Variants in DHX15 observed in about 807,000 individuals in gnomAD.
DHX15 encodes DEAH-box helicase 15, also known as ATP-dependent RNA helicase DHX15.
A neutral mutation model predicts 94.4 loss-of-function variants in DHX15; 11 were observed. The ratio of observed to expected loss-of-function variants is 0.12; its 90% CI spans 0.07 to 0.19. The LOEUF (loss-of-function observed/expected upper bound fraction) is 0.19. Among genes scored for constraint, DHX15 ranks in the 10% least tolerant of loss-of-function variants. The pLI is 1.00. For missense variants in DHX15, 304 were observed against 988.5 expected, an observed-to-expected ratio of 0.31 and a Z score of 9.29; for synonymous variants, 338 against 329.9, an observed-to-expected ratio of 1.02 and a Z score of -0.27.
At chr4:24,547,901 GTGTATA>G (rs1560765693) in intron 6 of DHX15, among the ~76,000 whole-genome samples, 2 of 14,186 alleles carry the variant, frequency 1.4e-4, no homozygotes, top group East Asian at 3.1e-3. Flanking sequence ...ATGTATGTAT[GTGTATA>G]TATATATATA....
chr4:24,556,770 C>G (rs948437652), intron 3 of DHX15, among the ~76,000 whole-genome samples: 4 of 152,092 alleles, frequency 2.6e-5, no homozygotes, highest in African/African-American at 9.7e-5. Context: ...ATATTCAACA[C>G]GCAAAATCTA....
chr4:24,575,225 T>C (rs1218893616), intron 2 of DHX15, among the ~76,000 whole-genome samples: 1 of 152,110 alleles, frequency 6.6e-6, no homozygotes, highest in African/African-American at 2.4e-5. Context: ...GCTTCCTATT[T>C]TGGTTGCTAC....
chr4:24,575,838 C>T (rs554957045), intron 2 of DHX15, among the ~76,000 whole-genome samples: 142 of 152,184 alleles, frequency 9.3e-4, no homozygotes, highest in Non-Finnish European at 1.5e-3. Flanking sequence ...CAAAAGTCAC[C>T]GGTATAGACT....
intron 11 of DHX15, among the ~76,000 whole-genome samples, chr4:24,534,460 C>T (rs1721152862): frequency 6.6e-6 from 1 of 152,138 alleles, no homozygotes; most frequent in Non-Finnish European, 1.5e-5. Context: ...TAGTAACTAA[C>T]ATCTGATGGT....
At chr4:24,529,133 C>T (rs570239407) in intron 13 of DHX15, among the ~76,000 whole-genome samples, 1 of 152,298 alleles carries the variant, frequency 6.6e-6, no homozygotes, top group African/African-American at 2.4e-5. Context: ...AAGCAATCCT[C>T]CTGCCCAGCT....
At chr4:24,532,671 T>C (rs948854012) in intron 12 of DHX15, among the ~76,000 whole-genome samples, 193 bp downstream of exon 12, 3 of 152,226 alleles carry the variant, frequency 2.0e-5, no homozygotes, top group African/African-American at 7.2e-5. Context: ...GTACATTAAT[T>C]TGTTACTCAT....
intron 5 of DHX15, among the ~76,000 whole-genome samples, chr4:24,549,599 A>T (rs1039156593): frequency 1.6e-4 from 24 of 152,190 alleles, no homozygotes; most frequent in African/African-American, 5.8e-4. Context: ...ACTGACAGGA[A>T]TATGTTCTGA....
intron 11 of DHX15, among the ~76,000 whole-genome samples, 187 bp downstream of exon 11, chr4:24,536,864 A>C (rs1721209404): frequency 6.6e-6 from 1 of 152,224 alleles, no homozygotes; most frequent in African/African-American, 2.4e-5. Flanking sequence ...CCCTGATTAT[A>C]AACATAAACA....
At chr4:24,569,316 GGTGTAGTGGCTCA>G (rs1722065245) in intron 3 of DHX15, among the ~76,000 whole-genome samples, 1 of 152,152 alleles carries the variant, frequency 6.6e-6, no homozygotes, top group Admixed American at 6.6e-5. Flanking sequence ...TCTGCGGCTG[GGTGTAGTGGCTCA>G]CGCCTGTAAT....
chr4:24,533,493 CA>C (rs1215450924), intron 11 of DHX15: 10 of 169,658 alleles, frequency 5.9e-5, no homozygotes, highest in Non-Finnish European at 1.3e-4. Flanking sequence ...CAGAGCACCT[CA>C]GACTTAAAGA....
chr4:24,572,975 A>T (rs1174203037), intron 2 of DHX15, among the ~76,000 whole-genome samples: 1 of 152,134 alleles, frequency 6.6e-6, no homozygotes, highest in Admixed American at 6.5e-5. Context: ...CAGGGGCGCA[A>T]TCTAGGCTTA....
chr4:24,538,656 A>G (rs1721242573), intron 10 of DHX15: 1 of 152,154 alleles, frequency 6.6e-6, no homozygotes, highest in South Asian at 2.1e-4. Context: ...ACCATTTAAA[A>G]ACAGTCCATT....
intron 3 of DHX15, chr4:24,563,143 T>C (rs1463768449): frequency 3.3e-5 from 5 of 150,718 alleles, no homozygotes; most frequent in Admixed American, 6.6e-5. Context: ...TAAAGAAATA[T>C]ATATAATCTA....
Position 24,528,102 on chromosome 4 carries a change from TAATAG to T in DHX15, c.2271-66_2271-62del, listed in dbSNP as rs1337478153. On this transcript the variant is annotated intron_variant, in intron 13 of 13. Coordinates refer to ENST00000336812, the MANE Select transcript of DHX15 (RefSeq NM_001358.3). ...CATTTAATTGAAGTACTGGAGTTGT[TAATAG>T]GATAGGCATTATTCATTAATATACT... 39 of 1,143,554 alleles carry T rather than the reference TAATAG, an allele frequency of 3.4e-5. 1 individual carries two copies. The highest frequency in any genetic ancestry group is 4.2e-5 in the Non-Finnish European group (32 of 756,748). The allele number at this position is 1,143,554 out of a possible 1,614,324, so 70.8% of individuals were successfully genotyped here.
intron 5 of DHX15, among the ~76,000 whole-genome samples, chr4:24,554,174 C>T (rs151048516): frequency 0.019 from 2,915 of 152,074 alleles, 83 homozygotes; most frequent in African/African-American, 0.066. Flanking sequence ...GCCAAGACTG[C>T]ACCACTGCAC....
intron 2 of DHX15, among the ~76,000 whole-genome samples, chr4:24,575,901 T>C (rs1036362819): frequency 2.0e-5 from 3 of 152,162 alleles, no homozygotes; most frequent in Non-Finnish European, 2.9e-5. Flanking sequence ...CCATATTAAA[T>C]ACAAACGACA....
chr4:24,556,437 A>C lies in DHX15; in HGVS notation c.702-27T>G, dbSNP rs1250753213. The C allele has an allele frequency of 1.9e-6, 3 of 1,574,068 alleles. No homozygotes were observed. In the African/African-American group the frequency reaches 4.1e-5, roughly 21 times the overall value. On this transcript the variant is annotated intron_variant, in intron 3 of 13. Transcript: ENST00000336812. ...TATATTCCAAAGAACATGTTGGTTA[A>C]AGGTTCCGTTAGGTCATTTTAAAAC... is the stretch of plus-strand genomic sequence containing the variant.
At chr4:24,547,693 G>A (rs978938761) in intron 6 of DHX15, among the ~76,000 whole-genome samples, 1 of 151,712 alleles carries the variant, frequency 6.6e-6, no homozygotes. Context: ...GCTAATGCCT[G>A]TAGTCCTAGC....
intron 11 of DHX15, 126 bp from the exon 12 acceptor site, chr4:24,533,180 AT>A: frequency 1.2e-6 from 1 of 836,860 alleles, no homozygotes; most frequent in Non-Finnish European, 2.0e-6. Flanking sequence ...TACCCACAAC[AT>A]TTTCTTTAAA....
Sources: gnomAD v4.1 joint callset for allele counts (sites outside exome capture counted in the v4.1 genomes callset) on GRCh38, gnomAD v4.1.1 for gene constraint, MANE v1.5 for transcripts, NCBI Gene and HGNC (gene_info 2026-07-23, HGNC 2026-07-21) for gene names.